The following ELMO1 variants were observed in gnomAD, a reference collection of about 807,000 sequenced individuals.
The protein encoded by ELMO1 is engulfment and cell motility 1.
In ELMO1, 26 loss-of-function variants were observed where a neutral mutation model predicts 98.9. The observed-to-expected ratio is 0.26, with a 90% CI of 0.19 to 0.36. The LOEUF is 0.36. Ranked by LOEUF, ELMO1 falls within the 10% of genes least tolerant of loss-of-function variation. The pLI is 1.00. For missense variants in ELMO1, 627 were observed against 935.2 expected (o/e 0.67, Z 4.30); for synonymous variants, 346 against 346.0 (o/e 1.00, Z 0.00).
intron 1 of ELMO1, among the ~76,000 whole-genome samples, chr7:37,430,000 C>A (rs1342713037): frequency 6.6e-6 from 1 of 152,210 alleles, no homozygotes; most frequent in Non-Finnish European, 1.5e-5. Context: ...GCTGACTGAC[C>A]TACAGATTTG....
chr7:37,062,422 C>T lies in ELMO1; in HGVS notation c.1300+34197G>A, dbSNP rs560372028. Among the ~76,000 whole-genome samples, 46 of 152,282 alleles carry T rather than the reference C, an allele frequency of 3.0e-4. 1 individual carries two copies. The Middle Eastern group carries it at 0.024, about 79-fold the overall frequency. The stretch of plus-strand genomic sequence containing the variant: ...ATCTCTGGGATGTCAGAAAGCCTGT[C>T]AAAACCAGCACCAAAGGTGGGAAGT... On this transcript the variant is annotated intron_variant, in intron 15 of 21. Coordinates refer to ENST00000310758, the MANE Select transcript of ELMO1 (RefSeq NM_014800.11).
intron 17 of ELMO1, among the ~76,000 whole-genome samples, chr7:36,891,799 C>A (rs1562801489): frequency 6.6e-6 from 1 of 152,132 alleles, no homozygotes. Context: ...TAAATGACTC[C>A]AGGTCAGTCT....
intron 13 of ELMO1, among the ~76,000 whole-genome samples, chr7:37,166,322 T>C (rs1789687684): frequency 1.3e-5 from 2 of 152,220 alleles, no homozygotes; most frequent in South Asian, 4.1e-4. Context: ...AAGCGTTTTT[T>C]GTGTCTCTAT....
intron 14 of ELMO1, among the ~76,000 whole-genome samples, chr7:37,102,219 A>G (rs931053997): frequency 6.6e-6 from 1 of 152,112 alleles, no homozygotes; most frequent in African/African-American, 2.4e-5. Flanking sequence ...CTTCTCCTTC[A>G]TTCTCCCTTG....
At chr7:37,430,134 C>T (rs1804870665) in intron 1 of ELMO1, among the ~76,000 whole-genome samples, 1 of 152,202 alleles carries the variant, frequency 6.6e-6, no homozygotes, top group African/African-American at 2.4e-5. Context: ...AGGGCTCTGG[C>T]CTATTGATTC....
intron 2 of ELMO1, among the ~76,000 whole-genome samples, chr7:37,322,522 C>A (rs1307945490): frequency 6.6e-6 from 1 of 151,028 alleles, no homozygotes; most frequent in Non-Finnish European, 1.5e-5. Context: ...GAAGCTGAGG[C>A]AGGCAGAAAA....
At chr7:37,350,911 C>G (rs1028603452) in intron 1 of ELMO1, among the ~76,000 whole-genome samples, 1 of 152,152 alleles carries the variant, frequency 6.6e-6, no homozygotes, top group Non-Finnish European at 1.5e-5. Flanking sequence ...AGAAAGCCCT[C>G]AGAAGGAACC....
intron 10 of ELMO1, 61 bp from the exon 11 acceptor site, chr7:37,216,756 C>T (rs1249102296): frequency 1.9e-6 from 3 of 1,575,874 alleles, no homozygotes; most frequent in Non-Finnish European, 1.7e-6. Context: ...TTCGACATGG[C>T]CAAAAATGAC....
At chr7:37,062,467 T>C (rs1796717290) in intron 15 of ELMO1, among the ~76,000 whole-genome samples, 1 of 152,232 alleles carries the variant, frequency 6.6e-6, no homozygotes, top group African/African-American at 2.4e-5. Context: ...ACGTGCATCC[T>C]TTAGACATGT....
intron 4 of ELMO1, among the ~76,000 whole-genome samples, chr7:37,290,240 A>G (rs1177121707): frequency 6.6e-6 from 1 of 152,206 alleles, no homozygotes; most frequent in Non-Finnish European, 1.5e-5. Context: ...TTAGTTTTTT[A>G]GTATTAAAAA....
chr7:37,045,417 T>C (rs1795743893), intron 15 of ELMO1, among the ~76,000 whole-genome samples: 1 of 152,220 alleles, frequency 6.6e-6, no homozygotes, highest in Non-Finnish European at 1.5e-5. Flanking sequence ...ATTCTGAGGA[T>C]TTGCATTATC....
At chr7:37,278,914 G>A (rs1182457792) in intron 4 of ELMO1, among the ~76,000 whole-genome samples, 2 of 152,168 alleles carry the variant, frequency 1.3e-5, no homozygotes, top group East Asian at 1.9e-4. Context: ...ATGAGAGTGT[G>A]TGAGGGGCCA....
intron 15 of ELMO1, among the ~76,000 whole-genome samples, chr7:37,089,369 C>G (rs540610214): frequency 2.0e-4 from 30 of 151,998 alleles, no homozygotes; most frequent in Middle Eastern, 3.4e-3. Context: ...AAAAAAAACC[C>G]AGAGCAGTAG....
intron 14 of ELMO1, chr7:37,116,797 A>G (rs1785627856): frequency 6.5e-6 from 1 of 154,360 alleles, no homozygotes; most frequent in Non-Finnish European, 1.5e-5. Flanking sequence ...CTTTTGCATC[A>G]AAACCATGGA....
chr7:37,360,204 T>C (rs1801648932), intron 1 of ELMO1, among the ~76,000 whole-genome samples: 1 of 152,162 alleles, frequency 6.6e-6, no homozygotes, highest in Non-Finnish European at 1.5e-5. Flanking sequence ...TTATTTCCAC[T>C]AACAAGGAAT....
At chr7:36,901,838 C>T (rs1486959763) in intron 16 of ELMO1, among the ~76,000 whole-genome samples, 3 of 152,190 alleles carry the variant, frequency 2.0e-5, no homozygotes, top group African/African-American at 7.2e-5. Flanking sequence ...AAACAACTTA[C>T]GTATCTTCAC....
intron 2 of ELMO1, among the ~76,000 whole-genome samples, chr7:37,332,244 G>A (rs1388375532): frequency 2.0e-5 from 3 of 152,224 alleles, no homozygotes; most frequent in Non-Finnish European, 4.4e-5. Flanking sequence ...AATACATGGT[G>A]CAAACAAGGC....
At chr7:37,419,459 AG>A (rs1420125729) in intron 1 of ELMO1, among the ~76,000 whole-genome samples, 3 of 152,080 alleles carry the variant, frequency 2.0e-5, no homozygotes, top group Non-Finnish European at 4.4e-5. Flanking sequence ...TTGTCCTCTC[AG>A]GGTTGTTGTA....
chr7:37,100,404 G>A (rs1026513560), intron 14 of ELMO1, among the ~76,000 whole-genome samples: 1 of 152,186 alleles, frequency 6.6e-6, no homozygotes, highest in African/African-American at 2.4e-5. Context: ...CTCCAATTGT[G>A]TAGATCAGGA....
Sources: allele counts gnomAD v4.1 joint callset (sites outside exome capture counted in the v4.1 genomes callset), GRCh38; gene constraint gnomAD v4.1.1; transcripts MANE v1.5; gene names NCBI Gene and HGNC (gene_info 2026-07-23, HGNC 2026-07-21).